CFAP92: variants seen among roughly 807,000 people sequenced by gnomAD.
CFAP92 encodes the protein uncharacterized protein CFAP92.
In CFAP92, 86 loss-of-function variants were observed where a neutral mutation model predicts 106.3. The observed-to-expected ratio is 0.81, with a 90% CI of 0.68 to 0.97. The LOEUF is 0.97. Ranked by LOEUF, CFAP92 falls within the 50% of genes least tolerant of loss-of-function variation. CFAP92 has a pLI of 0.00. For missense variants in CFAP92, 1,204 were observed against 1,283.8 expected (o/e 0.94, Z 0.95); for synonymous variants, 477 against 506.4 (o/e 0.94, Z 0.78).
chr3:128,931,492 T>A (rs1290251130), intron 12 of CFAP92, among the ~76,000 whole-genome samples: 1 of 135,842 alleles, frequency 7.4e-6, no homozygotes, highest in Non-Finnish European at 1.5e-5. Context: ...TATGTATGTA[T>A]GTATATGTAT....
intron 15 of CFAP92, 29 bp from the exon 16 acceptor site, chr3:128,910,362 G>A: frequency 1.4e-6 from 2 of 1,462,912 alleles, no homozygotes; most frequent in Admixed American, 4.8e-5. Flanking sequence ...AGTGACAGGG[G>A]TTCCTGATCC....
chr3:128,923,657 G>A (rs1937485294), intron 12 of CFAP92, among the ~76,000 whole-genome samples: 2 of 152,208 alleles, frequency 1.3e-5, no homozygotes, highest in Non-Finnish European at 2.9e-5. Flanking sequence ...AAATGAAGCT[G>A]GATCACCAAC....
Position 128,932,822 on chromosome 3 carries a change from C to T in CFAP92, c.2629G>A (p.Glu877Lys), listed in dbSNP as rs1021208075. The T allele has an allele frequency of 4.6e-6, 7 of 1,536,076 alleles. No individual in the cohort carries two copies. In the African/African-American group the frequency reaches 5.5e-5, roughly 12 times the overall value. The change falls in exon 12 of 16, where the codon GAG (glutamate) becomes AAG (lysine). Residue 877 changes from glutamate to lysine, a missense_variant. Coordinates refer to ENST00000645291, the MANE Select transcript of CFAP92 (RefSeq NM_001394090.1). ...GTGGAGTTCCGACTGTGGTAGTCCT[C>T]AAGATTGGGGGCAGGCTGAGGTGGT... ...ALPPQPAPNL[E>K]DYHSRNSTLT...
chr3:129,025,360 C>T, the CFAP92 span, among the ~76,000 whole-genome samples: 4 of 152,092 alleles, frequency 2.6e-5, no homozygotes, highest in South Asian at 2.1e-4. Context: ...AGAGCAGTCT[C>T]CCGGAAGCCA....
intron 4 of CFAP92, 136 bp from the exon 5 acceptor site, chr3:128,978,321 A>G: frequency 1.2e-6 from 1 of 811,406 alleles, no homozygotes; most frequent in Non-Finnish European, 1.9e-6. Context: ...CAATAAAGTG[A>G]GTCATACATT....
intron 15 of CFAP92, among the ~76,000 whole-genome samples, chr3:128,913,991 A>C (rs961315505): frequency 1.3e-5 from 2 of 152,170 alleles, no homozygotes; most frequent in Non-Finnish European, 2.9e-5. Context: ...TTACATGCCA[A>C]TGGAGAATGG....
At chr3:128,921,243 T>C (rs577923162) in intron 12 of CFAP92, among the ~76,000 whole-genome samples, 1 of 152,134 alleles carries the variant, frequency 6.6e-6, no homozygotes, top group African/African-American at 2.4e-5. Flanking sequence ...GAAGGAACAC[T>C]AGAGTGTGTG....
chr3:128,989,812 T>C (rs1031181760), intron 2 of CFAP92, among the ~76,000 whole-genome samples: 3 of 152,244 alleles, frequency 2.0e-5, no homozygotes, highest in African/African-American at 7.2e-5. Flanking sequence ...TGTGCAGAGA[T>C]TGGAGTGAAG....
At chr3:128,941,759 G>A (rs1024189134) in intron 10 of CFAP92, among the ~76,000 whole-genome samples, 5 of 152,170 alleles carry the variant, frequency 3.3e-5, no homozygotes, top group African/African-American at 1.2e-4. Flanking sequence ...TTACAGACAT[G>A]AGCCACTGTG....
At chr3:128,998,361 A>T (rs961031379), upstream of CFAP92, among the ~76,000 whole-genome samples, 3 of 152,128 alleles carry the variant, frequency 2.0e-5, no homozygotes, top group African/African-American at 7.2e-5. Context: ...TATCTAAGAA[A>T]TCTTTGACTA....
chr3:128,916,270 T>G lies in CFAP92; in HGVS notation c.2753A>C (p.Lys918Thr). The G allele has an allele frequency of 8.1e-7, 1 of 1,232,096 alleles. No homozygotes were observed. Among genetic ancestry groups the G allele is most frequent in the Non-Finnish European group, 1.0e-6 (1 of 987,948 alleles). The allele number at this position is 1,232,096 out of a possible 1,614,324, so 76.3% of individuals were successfully genotyped here. Reference protein sequence around the residue: ...NKDKKHSFIQKNITEAYQVSK... With the variant: ...NKDKKHSFIQTNITEAYQVSK... ...GACCTGGTAGGCTTCTGTGATATTT[T>G]TCTGAAGAAAGAGACACCAGTCACT... Residue 918 changes from lysine to threonine, a missense_variant and splice_region_variant, in exon 13 of 16, where the codon AAA (lysine) becomes ACA (threonine). Physicochemically the swap from Lys to Thr is moderately conservative, Grantham distance 78. Transcript: ENST00000645291.
Position 128,912,404 on chromosome 3 carries a change from A to T in CFAP92, c.3281-2071T>A, listed in dbSNP as rs936749635. The T allele has an allele frequency of 9.0e-6, 9 of 995,982 alleles. No homozygotes were observed. In the South Asian group the frequency reaches 1.2e-4, roughly 13 times the overall value. 61.7% of individuals were successfully genotyped at this position (995,982 alleles called of 1,614,324 possible). A position where few individuals can be genotyped will look rare whatever the true frequency, so the allele number is the denominator to read the frequency against. ...AGGGGTTCACCCTTAGGGCTGCTTC[A>T]TGGTGGGTGGGCTGACTTTGTGGAA... On this transcript the variant is annotated intron_variant, in intron 15 of 15. Coordinates refer to ENST00000645291, the MANE Select transcript of CFAP92 (RefSeq NM_001394090.1).
intron 12 of CFAP92, among the ~76,000 whole-genome samples, chr3:128,927,537 T>G (rs1463833195): frequency 6.6e-6 from 1 of 151,820 alleles, no homozygotes; most frequent in Admixed American, 6.6e-5. Flanking sequence ...CTGGCTAACA[T>G]GGTGAAACCC....
chr3:128,991,875 T>C, intron 2 of CFAP92: 4 of 987,208 alleles, frequency 4.1e-6, no homozygotes, highest in Non-Finnish European at 4.8e-6. Context: ...GCAAGGTCTA[T>C]CAAGATGTGA....
intron 9 of CFAP92, among the ~76,000 whole-genome samples, chr3:128,948,659 A>G (rs1940497217): frequency 6.6e-6 from 1 of 151,408 alleles, no homozygotes; most frequent in Non-Finnish European, 1.5e-5. Context: ...CCTCCTGAGT[A>G]GCTGGGATTA....
In CFAP92 at chr3:128,965,682, G is replaced by A. The variant is rs1405256634; in HGVS notation, c.1182C>T (p.Val394=). ...VMPLLAGWQT[V]VSRGSEKSAN... is the part of the protein sequence containing the mutation. Reference sequence around the variant, plus strand: ...CAGACTTCTCACTGCCACGACTCACGACAGTTTGCCATCCTGGGGGAAATA... The same window carrying A: ...CAGACTTCTCACTGCCACGACTCACAACAGTTTGCCATCCTGGGGGAAATA... Residue 394 remains valine (V), a synonymous_variant, in exon 9 of 16, where the codon GTC becomes GTT. Coordinates refer to ENST00000645291, the MANE Select transcript of CFAP92 (RefSeq NM_001394090.1). 7.5e-6 allele frequency: 3 copies of A among 398,558 alleles called. No individual in the cohort carries two copies. The highest frequency in any genetic ancestry group is 1.3e-5 in the Non-Finnish European group (3 of 226,004). 24.7% of individuals were successfully genotyped at this position (398,558 alleles called of 1,614,324 possible).
At chr3:128,950,528 C>T (rs1390881876) in intron 9 of CFAP92, among the ~76,000 whole-genome samples, 2 of 152,182 alleles carry the variant, frequency 1.3e-5, no homozygotes, top group African/African-American at 2.4e-5. Context: ...CCCAGGCCCC[C>T]GACACCCTCA....
At chr3:128,944,794 T>G (rs1443119978) in intron 10 of CFAP92, among the ~76,000 whole-genome samples, 5 of 152,166 alleles carry the variant, frequency 3.3e-5, no homozygotes, top group Non-Finnish European at 7.4e-5. Context: ...TCTGCTCCTG[T>G]TTAGCCACAG....
At chr3:129,023,210 T>C in the CFAP92 span, among the ~76,000 whole-genome samples, 2 of 152,182 alleles carry the variant, frequency 1.3e-5, no homozygotes, top group African/African-American at 2.4e-5. Context: ...GTTACAAATA[T>C]ATGCTTCTAA....
Sources: gnomAD v4.1 joint callset for allele counts (sites outside exome capture counted in the v4.1 genomes callset) on GRCh38, gnomAD v4.1.1 for gene constraint, MANE v1.5 for transcripts, NCBI Gene and HGNC (gene_info 2026-07-23, HGNC 2026-07-21) for gene names.